The following PTPRM variants were observed in gnomAD, a reference collection of about 807,000 sequenced individuals.
PTPRM encodes receptor-type tyrosine-protein phosphatase mu.
Under a neutral mutation model 186.7 loss-of-function variants are expected in PTPRM, and 47 were observed. The ratio of observed to expected loss-of-function variants is 0.25; its 90% CI spans 0.20 to 0.32. PTPRM has a LOEUF of 0.32. Among genes scored for constraint, PTPRM ranks in the 10% least tolerant of loss-of-function variants. The probability of loss-of-function intolerance (pLI) is 1.00; values close to 1 mark genes in which losing one functional copy is unlikely to be tolerated. For missense variants in PTPRM, 1,494 were observed against 1,865.0 expected, an observed-to-expected ratio of 0.80 and a Z score of 3.66; for synonymous variants, 668 against 674.9, an observed-to-expected ratio of 0.99 and a Z score of 0.16.
intron 2 of PTPRM, among the ~76,000 whole-genome samples, chr18:7,861,681 T>A (rs566359696): frequency 1.4e-4 from 21 of 152,218 alleles, no homozygotes; most frequent in African/African-American, 4.6e-4. Context: ...GGCACACAGG[T>A]CTTCCACCTT....
At chr18:8,091,101 T>C (rs147364605) in intron 11 of PTPRM, among the ~76,000 whole-genome samples, 2 of 152,262 alleles carry the variant, frequency 1.3e-5, no homozygotes, top group East Asian at 3.9e-4. Context: ...TTACTGGTAG[T>C]TCTTGGTGTC....
chr18:7,725,989 G>A (rs751602341), intron 1 of PTPRM, among the ~76,000 whole-genome samples: 1 of 152,100 alleles, frequency 6.6e-6, no homozygotes. Context: ...TTCGGATCAC[G>A]GGCACTGTAC....
At chr18:8,141,914 T>G (rs917792843) in intron 13 of PTPRM, among the ~76,000 whole-genome samples, 1 of 152,230 alleles carries the variant, frequency 6.6e-6, no homozygotes, top group African/African-American at 2.4e-5. Flanking sequence ...TTTGTATAGA[T>G]TGCTTATTTA....
chr18:7,590,240 AAT>A (rs1157032748), intron 1 of PTPRM, among the ~76,000 whole-genome samples: 1 of 152,196 alleles, frequency 6.6e-6, no homozygotes, highest in Non-Finnish European at 1.5e-5. Context: ...TTCTTCAGGA[AAT>A]ATAACACTGG....
At chr18:7,809,512 C>G (rs331424) in intron 2 of PTPRM, among the ~76,000 whole-genome samples, 5,189 of 152,160 alleles carry the variant, frequency 0.034, 298 homozygotes, top group African/African-American at 0.12. Context: ...TCATGTGTTG[C>G]CCTTTCCAAG....
chr18:7,809,619 C>T (rs1180808422), intron 2 of PTPRM, among the ~76,000 whole-genome samples: 1 of 152,170 alleles, frequency 6.6e-6, no homozygotes, highest in African/African-American at 2.4e-5. Flanking sequence ...CTCCTCCTGG[C>T]CTCAGCTCCT....
Position 7,568,473 on chromosome 18 carries a change from T to A in PTPRM, c.73+582T>A, listed in dbSNP as rs895115897. On this transcript the variant is annotated intron_variant, in intron 1 of 32. Coordinates refer to ENST00000580170, the MANE Select transcript of PTPRM (RefSeq NM_001105244.2). This position sits in a 1 kb window ranked among gnomAD's most constrained non-coding sequence, Gnocchi z 5.1. ...GGGAGGTCCCCGCGGTCGTGCAGCG[T>A]CTGCGGAGAGGCTGGGGGGAGTTCC... Among the ~76,000 whole-genome samples the A allele has an allele frequency of 6.6e-6, 1 of 151,944 alleles. No homozygotes were observed. The highest frequency in any genetic ancestry group is 2.4e-5 in the African/African-American group (1 of 41,516).
chr18:7,687,486 TCAGCAGCC>T, intron 1 of PTPRM, among the ~76,000 whole-genome samples: 1 of 152,342 alleles, frequency 6.6e-6, no homozygotes, highest in South Asian at 2.1e-4. Context: ...TTATTTGATA[TCAGCAGCC>T]TGTTAGATGA....
intron 2 of PTPRM, among the ~76,000 whole-genome samples, chr18:7,805,293 G>A (rs937864751): frequency 1.3e-5 from 2 of 152,052 alleles, no homozygotes; most frequent in Admixed American, 6.6e-5. Context: ...CTGCTGTGCT[G>A]ACATCCCACG....
chr18:8,003,066 ATGGC>A (rs1326187272), intron 7 of PTPRM, among the ~76,000 whole-genome samples: 3 of 152,172 alleles, frequency 2.0e-5, no homozygotes, highest in African/African-American at 7.2e-5. Flanking sequence ...TCATTTTGCC[ATGGC>A]TGAGAAAAAG....
In PTPRM at chr18:8,113,710, C is replaced by G. The variant is rs766273942; in HGVS notation, c.2081C>G (p.Pro694Arg). Residue 694 changes from proline to arginine, a missense_variant, in exon 12 of 33, where the codon CCC (proline) becomes CGC (arginine). Coordinates refer to ENST00000580170, the MANE Select transcript of PTPRM (RefSeq NM_001105244.2). ...YNGYWNTPLL[P>R]YKSYRIYFQA... The stretch of plus-strand genomic sequence containing the variant: ...GGATACTGGAACACTCCCCTTCTCC[C>G]CTATAAAAGCTACAGAATTTATTTC... The G allele has an allele frequency of 6.2e-7, 1 of 1,613,802 alleles. No individual in the cohort carries two copies. The highest frequency in any genetic ancestry group is 8.5e-7 in the Non-Finnish European group (1 of 1,179,764).
Position 7,913,195 on chromosome 18 carries a change from G to A in PTPRM, c.547+6612G>A, listed in dbSNP as rs1219975280. ...ATTTTGTTTATTGATCTTGTATCCC[G>A]AGATCTTGATGAACTTGCTTATTAG... On this transcript the variant is annotated intron_variant, in intron 4 of 32. Transcript: ENST00000580170. Among the ~76,000 whole-genome samples the A allele has an allele frequency of 3.9e-5, 3 of 77,286 alleles. No individual in the cohort carries two copies. The East Asian group carries it at 1.7e-3, about 44-fold the overall frequency. The allele number at this position is 77,286 out of a possible 152,430, so 50.7% of individuals were successfully genotyped here. A position where few individuals can be genotyped will look rare whatever the true frequency, so the allele number is the denominator to read the frequency against.
intron 14 of PTPRM, among the ~76,000 whole-genome samples, chr18:8,196,788 G>T (rs558296071): frequency 5.9e-5 from 9 of 152,262 alleles, no homozygotes; most frequent in African/African-American, 2.2e-4. Context: ...TTATGAGCTT[G>T]GGTTAGAAGT....
chr18:8,253,519 G>T, intron 19 of PTPRM, 105 bp downstream of exon 19: 2 of 1,067,938 alleles, frequency 1.9e-6, no homozygotes, highest in Non-Finnish European at 2.5e-6. Context: ...CCCCTGCCCC[G>T]AGAGATGCCA....
chr18:7,878,674 A>T (rs2048355794), intron 2 of PTPRM, among the ~76,000 whole-genome samples: 1 of 152,240 alleles, frequency 6.6e-6, no homozygotes, highest in African/African-American at 2.4e-5. Flanking sequence ...GGCAAGTCAT[A>T]GTTTAGCTGG....
chr18:8,272,894 GA>G (rs1281825535), intron 19 of PTPRM, among the ~76,000 whole-genome samples: 1 of 152,066 alleles, frequency 6.6e-6, no homozygotes, highest in Non-Finnish European at 1.5e-5. Flanking sequence ...AAGTTATAAG[GA>G]AAATACAAGT....
At chr18:7,744,095 TAGAG>T (rs956329282) in intron 1 of PTPRM, among the ~76,000 whole-genome samples, 1 of 152,328 alleles carries the variant, frequency 6.6e-6, no homozygotes, top group African/African-American at 2.4e-5. Flanking sequence ...TAGAGCTTCT[TAGAG>T]AGGTCTAGTG....
At chr18:8,199,803 C>T (rs977974729) in intron 14 of PTPRM, among the ~76,000 whole-genome samples, 11 of 152,068 alleles carry the variant, frequency 7.2e-5, no homozygotes, top group Non-Finnish European at 1.2e-4. Flanking sequence ...CCAAAGAGTG[C>T]GTTTTGTTCC....
At chr18:8,066,648 G>T (rs2089105966) in intron 7 of PTPRM, among the ~76,000 whole-genome samples, 1 of 152,140 alleles carries the variant, frequency 6.6e-6, no homozygotes, top group Non-Finnish European at 1.5e-5. Flanking sequence ...AAAATACTCT[G>T]CAAAAGCTTC....
Sources: gnomAD v4.1 joint callset for allele counts (sites outside exome capture counted in the v4.1 genomes callset) on GRCh38, gnomAD v4.1.1 for gene constraint, Gnocchi (gnomAD v3.1) non-coding constraint, MANE v1.5 for transcripts, NCBI Gene and HGNC (gene_info 2026-07-23, HGNC 2026-07-21) for gene names.